Variants in MELTF observed in about 807,000 individuals in gnomAD.
The protein encoded by MELTF is melanotransferrin.
A neutral mutation model predicts 83.7 loss-of-function variants in MELTF; 67 were observed. That is an observed-to-expected ratio of 0.80 (90% CI 0.66 to 0.98). MELTF has a LOEUF of 0.98. Among genes scored for constraint, MELTF ranks in the 50% least tolerant of loss-of-function variants. MELTF has a pLI of 0.00. For synonymous variants in MELTF, 462 were observed against 447.6 expected, an observed-to-expected ratio of 1.03 and a Z score of -0.41; for missense variants, 1,002 against 1,035.6, an observed-to-expected ratio of 0.97 and a Z score of 0.44.
intron 4 of MELTF, chr3:197,023,761 A>C (rs1719726650): frequency 2.2e-6 from 1 of 450,356 alleles, no homozygotes; most frequent in East Asian, 7.0e-5. Flanking sequence ...GTAGATATTT[A>C]ATAAATATGC....
At position 197,024,492 on chromosome 3, in the gene MELTF, G is replaced by A; in HGVS notation, c.305-7C>T. On this transcript the variant is annotated splice_polypyrimidine_tract_variant and splice_region_variant and intron_variant, in intron 3 of 15. Coordinates refer to ENST00000296350, the MANE Select transcript of MELTF (RefSeq NM_005929.6). This position sits in a 1 kb window ranked among gnomAD's most constrained non-coding sequence, Gnocchi z 5.3. ...TAATAGGAGGTACCGACCTCTAGGA[G>A]GGGAGGGGAGTGGGTGAGGGCAGCA... The A allele has an allele frequency of 1.9e-6, 3 of 1,565,786 alleles. No individual in the cohort carries two copies. Among genetic ancestry groups the A allele is most frequent in the Non-Finnish European group, 1.7e-6 (2 of 1,147,948 alleles).
chr3:197,023,048 G>A lies in MELTF; in HGVS notation c.553C>T (p.Leu185Phe), dbSNP rs760603799. The A allele has an allele frequency of 6.2e-7, 1 of 1,613,752 alleles. No individual in the cohort carries two copies. The highest frequency in any genetic ancestry group is 2.2e-5 in the East Asian group (1 of 44,900). ...GAGETSYSES[L>F]CRLCRGDSSG... ...CTGTCACCCCTGCAGAGGCGACAGAGGGACTCAGAGTAACTGGTCTCTCCT... is the reference window on the plus strand; with the variant it reads ...CTGTCACCCCTGCAGAGGCGACAGAAGGACTCAGAGTAACTGGTCTCTCCT... Residue 185 changes from leucine to phenylalanine, a missense_variant, in exon 5 of 16, where the codon CTC becomes TTC. Physicochemically the swap from Leu to Phe is conservative, Grantham distance 22. Coordinates refer to ENST00000296350, the MANE Select transcript of MELTF (RefSeq NM_005929.6).
At chr3:197,016,844 C>G (rs1719396194) in intron 7 of MELTF, among the ~76,000 whole-genome samples, 3 of 152,222 alleles carry the variant, frequency 2.0e-5, no homozygotes. Context: ...TTTTAGCTCT[C>G]AGAGACACAA....
At chr3:197,027,283 ACT>A (rs1357768421) in intron 2 of MELTF, among the ~76,000 whole-genome samples, 3 of 152,012 alleles carry the variant, frequency 2.0e-5, no homozygotes, top group African/African-American at 7.2e-5. Flanking sequence ...GAGGGACGCC[ACT>A]CTCTGGTGGT....
At position 197,003,785 on chromosome 3, in the gene MELTF, T is replaced by C. The variant is rs539782774; in HGVS notation, c.2137+116A>G. 8.9e-7 allele frequency: 1 copy of C among 1,121,762 alleles called. No individual in the cohort carries two copies. The highest frequency in any genetic ancestry group is 1.5e-5 in the South Asian group (1 of 67,670). The allele number at this position is 1,121,762 out of a possible 1,614,324, so 69.5% of individuals were successfully genotyped here. A position where few individuals can be genotyped will look rare whatever the true frequency, so the allele number is the denominator to read the frequency against. Reference sequence around the variant, plus strand: ...TCCCGGGACACCCCACCTGGACTGCTGCGAACGGGCCTCCACCCGCCTCCC... The same window carrying C: ...TCCCGGGACACCCCACCTGGACTGCCGCGAACGGGCCTCCACCCGCCTCCC... On this transcript the variant is annotated intron_variant, in intron 15 of 15. Transcript: ENST00000296350. The surrounding 1 kb of genome is among the most constrained non-coding windows in gnomAD (Gnocchi z 6.2).
intron 10 of MELTF, 123 bp from the exon 11 acceptor site, chr3:197,009,935 G>T: frequency 1.1e-6 from 1 of 936,862 alleles, no homozygotes; most frequent in Non-Finnish European, 1.6e-6. Context: ...AGGCCAAAGA[G>T]TACCCAGGCC....
chr3:197,029,643 C>A lies in MELTF; in HGVS notation c.49+11G>T. On this transcript the variant is annotated intron_variant, in intron 1 of 15. Transcript: ENST00000296350. The surrounding 1 kb of genome is among the most constrained non-coding windows in gnomAD (Gnocchi z 6.5). ...CCCCGCCCGCCTTTGGCTCTCACAG[C>A]GGGGCCTCACCGGTGCGCAGAGCCA... 2 of 1,244,558 alleles carry A rather than the reference C, an allele frequency of 1.6e-6. No individual in the cohort carries two copies. Among genetic ancestry groups the A allele is most frequent in the Non-Finnish European group, 2.0e-6 (2 of 995,648 alleles). The allele number at this position is 1,244,558 out of a possible 1,614,324, so 77.1% of individuals were successfully genotyped here. A position where few individuals can be genotyped will look rare whatever the true frequency, so the allele number is the denominator to read the frequency against.
Position 197,004,721 on chromosome 3 carries a change from T to C in MELTF, c.1939-622A>G, listed in dbSNP as rs186728888. 1.4e-3 allele frequency: 215 copies of C among 154,906 alleles called. 2 individuals are homozygous for C. The highest frequency in any genetic ancestry group is 1.7e-3 in the Non-Finnish European group (117 of 69,874). 9.6% of individuals were successfully genotyped at this position (154,906 alleles called of 1,614,324 possible). On this transcript the variant is annotated intron_variant, in intron 14 of 15. Transcript: ENST00000296350. ...GAGAACTTATGAATACGAATATAAA[T>C]AAAGGACATCTGGAGAACATGCATG...
Position 197,010,794 on chromosome 3 carries a change from C to T in MELTF, c.1234G>A (p.Ala412Thr), listed in dbSNP as rs200778392. The change falls in exon 10 of 16, where the codon GCT becomes ACT. Residue 412 changes from alanine (A) to threonine (T), a missense_variant and splice_region_variant. Transcript: ENST00000296350. ...AGGGTCACAGCGTCGACCTGCTCAGCCTGAAGGGAATAGAAGAAGCCACTG... is the reference window on the plus strand; with the variant it reads ...AGGGTCACAGCGTCGACCTGCTCAGTCTGAAGGGAATAGAAGAAGCCACTG... The part of the protein sequence containing the change: ...SPQHCMERIQ[A>T]EQVDAVTLSG... 2.0e-4 allele frequency: 329 copies of T among 1,613,224 alleles called. No individual in the cohort carries two copies. The highest frequency in any genetic ancestry group is 2.6e-4 in the Non-Finnish European group (304 of 1,179,996).
chr3:197,023,805 C>A (rs953104493), intron 4 of MELTF: 20 of 455,440 alleles, frequency 4.4e-5, no homozygotes, highest in South Asian at 2.9e-4. Flanking sequence ...ACCTGGCCAC[C>A]AGCTGAGAGG....
intron 8 of MELTF, 51 bp downstream of exon 8, chr3:197,016,138 C>T (rs1719362154): frequency 7.0e-7 from 1 of 1,435,240 alleles, no homozygotes; most frequent in Non-Finnish European, 9.2e-7. Context: ...CTCGCCATGC[C>T]CGAGGTTGAG....
At chr3:197,025,381 A>G (rs1263652370) in intron 3 of MELTF, among the ~76,000 whole-genome samples, 1 of 152,186 alleles carries the variant, frequency 6.6e-6, no homozygotes, top group Non-Finnish European at 1.5e-5. Context: ...GTTTCTTACC[A>G]ATCCTCTGGA....
In MELTF at chr3:197,026,318, G is replaced by A. The variant is rs559282023; in HGVS notation, c.304+342C>T. On this transcript the variant is annotated intron_variant, in intron 3 of 15. Transcript: ENST00000296350. ...GAGGCCCTGAGAGTGCAGGTGGCTC[G>A]GCATTAAGGACGCCTTGCTCACCCA... The A allele has an allele frequency of 7.0e-5, 16 of 228,962 alleles. 1 individual carries two copies. The highest frequency in any genetic ancestry group is 5.6e-4 in the South Asian group (6 of 10,694). 14.2% of individuals were successfully genotyped at this position (228,962 alleles called of 1,614,324 possible).
In MELTF at chr3:197,006,015, T is replaced by TC. The variant is rs781780508; in HGVS notation, c.1938+533dup. Among the ~76,000 whole-genome samples, 25 of 151,994 alleles carry TC rather than the reference T, an allele frequency of 1.6e-4. No individual in the cohort carries two copies. Among genetic ancestry groups the TC allele is most frequent in the Non-Finnish European group, 3.2e-4 (22 of 67,976 alleles). ...GTGGGCGGATCACGAGGTCAGGAGA[T>TC]CGAGACCATCCTGGCTAACACGGTG... On this transcript the variant is annotated intron_variant, in intron 14 of 15. Transcript: ENST00000296350. This position sits in a 1 kb window ranked among gnomAD's most constrained non-coding sequence, Gnocchi z 5.4.
At position 197,016,240 on chromosome 3, in the gene MELTF, G is replaced by GC. The variant is rs765185541; in HGVS notation, c.1029dup (p.Leu344AlafsTer4). On this transcript the variant is annotated frameshift_variant, in exon 8 of 16. Transcript: ENST00000296350. LOFTEE classifies it high-confidence loss of function. ...ATGGCGTGCAGGTACTCATGGCCCA[G>GC]CCACGCCTCATAGGTCTGTGTGGCG... 1,379 of 1,606,098 alleles carry GC rather than the reference G, an allele frequency of 8.6e-4. 1 individual carries two copies. The highest frequency in any genetic ancestry group is 2.0e-3 in the Middle Eastern group (12 of 6,040).
intron 10 of MELTF, among the ~76,000 whole-genome samples, chr3:197,010,070 G>C (rs913501204): frequency 2.0e-5 from 3 of 152,214 alleles, no homozygotes; most frequent in African/African-American, 7.2e-5. Context: ...CTTCCCCACA[G>C]GGGCTTCTTT....
Position 197,008,554 on chromosome 3 carries a change from T to C in MELTF, c.1750+103A>G, listed in dbSNP as rs1183142719. On this transcript the variant is annotated intron_variant, in intron 13 of 15. Coordinates refer to ENST00000296350, the MANE Select transcript of MELTF (RefSeq NM_005929.6). The surrounding 1 kb of genome is among the most constrained non-coding windows in gnomAD (Gnocchi z 5.4). ...CACAGCCTTCTAGACTCAGCCTCTC[T>C]GAGCTGCTGCTTGGCCCCAGCCCAG... 3 of 1,326,856 alleles carry C rather than the reference T, an allele frequency of 2.3e-6. No homozygotes were observed. Among genetic ancestry groups the C allele is most frequent in the Non-Finnish European group, 2.1e-6 (2 of 950,994 alleles). 82.2% of individuals were successfully genotyped at this position (1,326,856 alleles called of 1,614,324 possible).
intron 3 of MELTF, chr3:197,025,596 C>G (rs1375431501): frequency 6.6e-6 from 1 of 152,252 alleles, no homozygotes; most frequent in Non-Finnish European, 1.5e-5. Flanking sequence ...AAGGTCTCTT[C>G]GTTTACTGCT....
chr3:197,019,770 T>A (rs373924167), intron 6 of MELTF: 1 of 1,591,002 alleles, frequency 6.3e-7, no homozygotes, highest in Non-Finnish European at 8.6e-7. Context: ...CCTCCTCAGA[T>A]CTGGTCCATG....
Sources: allele counts gnomAD v4.1 joint callset (sites outside exome capture counted in the v4.1 genomes callset), GRCh38; gene constraint gnomAD v4.1.1; non-coding constraint Gnocchi (gnomAD v3.1); transcripts MANE v1.5; gene names NCBI Gene and HGNC (gene_info 2026-07-23, HGNC 2026-07-21).